Variants in DLG2 observed in about 807,000 individuals in gnomAD.
DLG2 encodes discs large MAGUK scaffold protein 2, also known as disks large homolog 2.
Under a neutral mutation model 132.5 loss-of-function variants are expected in DLG2, and 45 were observed. The ratio of observed to expected loss-of-function variants is 0.34; its 90% CI spans 0.27 to 0.44. DLG2 has a LOEUF of 0.44. Ranked by LOEUF, DLG2 falls within the 20% of genes least tolerant of loss-of-function variation. The pLI is 1.00. For synonymous variants in DLG2, 424 were observed against 419.6 expected, an observed-to-expected ratio of 1.01 and a Z score of -0.13; for missense variants, 1,045 against 1,196.9, an observed-to-expected ratio of 0.87 and a Z score of 1.87.
Position 85,062,089 on chromosome 11 carries a change from T to G in DLG2, c.357+49572A>C, listed in dbSNP as rs187766072. Among the ~76,000 whole-genome samples, 88 of 152,006 alleles carry G rather than the reference T, an allele frequency of 5.8e-4. 1 individual carries two copies. Among genetic ancestry groups the G allele is most frequent in the African/African-American group, 2.0e-3 (82 of 41,528 alleles). ...ATAGTAAATAGGCAAGGGTTTCTCATTATTATACTGATAAAATCTAAAGCT... is the reference window on the plus strand; with the variant it reads ...ATAGTAAATAGGCAAGGGTTTCTCAGTATTATACTGATAAAATCTAAAGCT... On this transcript the variant is annotated intron_variant, in intron 6 of 27. Transcript: ENST00000376104.
chr11:84,789,109 C>T lies in DLG2; in HGVS notation c.358-254378G>A, dbSNP rs544043205. On this transcript the variant is annotated intron_variant, in intron 6 of 27. Transcript: ENST00000376104. ...CACCTTGCAAATCAATTTTCTATGCCCTTGTTTCTGAACTTTCCTGTAAGG... is the reference window on the plus strand; with the variant it reads ...CACCTTGCAAATCAATTTTCTATGCTCTTGTTTCTGAACTTTCCTGTAAGG... 2.6e-4 allele frequency among the ~76,000 whole-genome samples: 39 copies of T among 152,198 alleles called. No homozygotes were observed. In the South Asian group the frequency reaches 6.2e-3, roughly 24 times the overall value.
chr11:83,945,202 G>A (rs926072217), intron 14 of DLG2, among the ~76,000 whole-genome samples: 1 of 152,138 alleles, frequency 6.6e-6, no homozygotes, highest in Non-Finnish European at 1.5e-5. Context: ...CTTGAACTCG[G>A]GAGGCAGAGA....
chr11:85,313,953 C>T (rs571467733), intron 3 of DLG2, among the ~76,000 whole-genome samples: 2 of 152,048 alleles, frequency 1.3e-5, no homozygotes, highest in East Asian at 1.9e-4. Context: ...ATTTACATAA[C>T]ACAACTCCCT....
intron 4 of DLG2, among the ~76,000 whole-genome samples, chr11:85,223,870 A>G (rs914871187): frequency 1.3e-5 from 2 of 152,134 alleles, no homozygotes; most frequent in Non-Finnish European, 2.9e-5. Context: ...GTGTGCTTAC[A>G]ATACCAACTC....
chr11:83,917,286 T>G (rs2154117374), intron 15 of DLG2, among the ~76,000 whole-genome samples: 1 of 152,316 alleles, frequency 6.6e-6, no homozygotes, highest in East Asian at 1.9e-4. Flanking sequence ...AGTTTTTGTT[T>G]TATTACCTTT....
chr11:84,473,939 C>T (rs2099115019), intron 7 of DLG2, among the ~76,000 whole-genome samples: 1 of 151,958 alleles, frequency 6.6e-6, no homozygotes, highest in Admixed American at 6.6e-5. Context: ...ATGTTATTCA[C>T]TATTGGTGAG....
intron 15 of DLG2, among the ~76,000 whole-genome samples, chr11:83,885,184 A>C (rs1287805301): frequency 6.6e-6 from 1 of 152,244 alleles, no homozygotes; most frequent in Non-Finnish European, 1.5e-5. Context: ...AAGACAAAGA[A>C]GGTAAAAACT....
intron 6 of DLG2, among the ~76,000 whole-genome samples, chr11:84,907,736 C>T (rs1411157032): frequency 6.6e-6 from 1 of 152,106 alleles, no homozygotes; most frequent in African/African-American, 2.4e-5. Context: ...CCAAGAAAAC[C>T]TGTCTGCACC....
rs150373464 is a variant in DLG2 at position 84,442,609 on chromosome 11, C to T, written c.519+91961G>A. 9.5e-3 allele frequency among the ~76,000 whole-genome samples: 1,446 copies of T among 151,906 alleles called. 28 individuals carry two copies. The highest frequency in any genetic ancestry group is 0.033 in the African/African-American group (1,348 of 41,390). On this transcript the variant is annotated intron_variant, in intron 7 of 27. Coordinates refer to ENST00000376104, the MANE Select transcript of DLG2 (RefSeq NM_001142699.3). The stretch of plus-strand genomic sequence containing the variant: ...ACAAGTTGATGGGTGCAGCAAACCA[C>T]CACGGCACATGTATACCTATCTAAC...
At chr11:84,045,321 AGGGT>A (rs1486298420) in intron 11 of DLG2, among the ~76,000 whole-genome samples, 1 of 151,688 alleles carries the variant, frequency 6.6e-6, no homozygotes, top group Admixed American at 6.6e-5. Flanking sequence ...AGATGAGGAA[AGGGT>A]GGTGAATATA....
chr11:84,684,476 A>G (rs1010998925), intron 6 of DLG2, among the ~76,000 whole-genome samples: 11 of 152,172 alleles, frequency 7.2e-5, no homozygotes, highest in South Asian at 2.1e-4. Flanking sequence ...ACGTCACAGA[A>G]CATATTTGTT....
At chr11:85,475,920 A>G (rs1408993665) in intron 3 of DLG2, among the ~76,000 whole-genome samples, 1 of 152,172 alleles carries the variant, frequency 6.6e-6, no homozygotes, top group East Asian at 1.9e-4. Context: ...GGGAAATCTT[A>G]GCAAACTACG....
chr11:85,375,267 T>G (rs1423443432), intron 3 of DLG2, among the ~76,000 whole-genome samples: 1 of 152,212 alleles, frequency 6.6e-6, no homozygotes, highest in Non-Finnish European at 1.5e-5. Flanking sequence ...ATGCATTAAA[T>G]AACTACTGGG....
intron 15 of DLG2, among the ~76,000 whole-genome samples, chr11:83,911,612 T>C (rs2076063951): frequency 6.6e-6 from 1 of 152,150 alleles, no homozygotes; most frequent in African/African-American, 2.4e-5. Flanking sequence ...TGCTAGCTTC[T>C]GTTGCCTCTG....
At chr11:83,818,673 A>T (rs927400876) in intron 17 of DLG2, among the ~76,000 whole-genome samples, 1 of 152,154 alleles carries the variant, frequency 6.6e-6, no homozygotes, top group Admixed American at 6.5e-5. Flanking sequence ...GTTTAAATCT[A>T]TGTTAGTAAG....
At chr11:83,472,825 TAC>T (rs781308893) in intron 22 of DLG2, 48 bp from the exon 23 acceptor site, 1 of 1,503,418 alleles carries the variant, frequency 6.7e-7, no homozygotes, top group Non-Finnish European at 9.2e-7. Flanking sequence ...AGTCATATAT[TAC>T]AGAGACAAGC....
At chr11:85,488,858 A>G (rs112196995) in intron 3 of DLG2, among the ~76,000 whole-genome samples, 452 of 152,336 alleles carry the variant, frequency 3.0e-3, no homozygotes, top group Non-Finnish European at 5.2e-3. Flanking sequence ...TGTTCAATGA[A>G]GTCCCAAACT....
chr11:84,536,218 C>T (rs2099355280), intron 6 of DLG2, among the ~76,000 whole-genome samples: 1 of 152,244 alleles, frequency 6.6e-6, no homozygotes, highest in East Asian at 1.9e-4. Context: ...TCATTCTTGG[C>T]CATTTTACCT....
chr11:84,840,209 C>A (rs1002155785), intron 6 of DLG2, among the ~76,000 whole-genome samples: 1 of 152,122 alleles, frequency 6.6e-6, no homozygotes, highest in Non-Finnish European at 1.5e-5. Flanking sequence ...CAAAAGAAGA[C>A]GTTTATGCAG....
Sources: allele counts gnomAD v4.1 joint callset (sites outside exome capture counted in the v4.1 genomes callset), GRCh38; gene constraint gnomAD v4.1.1; transcripts MANE v1.5; gene names NCBI Gene and HGNC (gene_info 2026-07-23, HGNC 2026-07-21).